KIF26B: variants seen among roughly 807,000 people sequenced by gnomAD.
The protein encoded by KIF26B is kinesin family member 26B, also known as kinesin-like protein KIF26B.
KIF26B carries 63 observed loss-of-function variants against 151.2 expected under a neutral mutation model. The observed-to-expected ratio is 0.42, with a 90% CI of 0.34 to 0.51. KIF26B has a LOEUF of 0.51. Ranked by LOEUF, KIF26B falls within the 20% of genes least tolerant of loss-of-function variation. The pLI, the probability that KIF26B is intolerant of heterozygous loss-of-function variation, is 0.07. For synonymous variants in KIF26B, 1,357 were observed against 1,262.1 expected, an observed-to-expected ratio of 1.08 and a Z score of -1.59; for missense variants, 2,813 against 2,913.6, an observed-to-expected ratio of 0.97 and a Z score of 0.79.
At chr1:245,642,142 G>A (rs1183821222) in intron 9 of KIF26B, among the ~76,000 whole-genome samples, 1 of 152,168 alleles carries the variant, frequency 6.6e-6, no homozygotes, top group African/African-American at 2.4e-5. Flanking sequence ...GGCCACCAGG[G>A]ACCTGAGTCC....
chr1:245,664,963 A>C (rs2044197858), intron 10 of KIF26B, among the ~76,000 whole-genome samples: 1 of 152,210 alleles, frequency 6.6e-6, no homozygotes, highest in South Asian at 2.1e-4. Context: ...TCTTGATAGA[A>C]TATCACAGTT....
intron 4 of KIF26B, among the ~76,000 whole-genome samples, chr1:245,439,515 G>A (rs1424065701): frequency 6.6e-6 from 1 of 152,112 alleles, no homozygotes; most frequent in Non-Finnish European, 1.5e-5. Context: ...CCTATGAAAT[G>A]TATTGGATTG....
chr1:245,194,221 G>A (rs572242823), intron 2 of KIF26B, among the ~76,000 whole-genome samples: 5 of 152,240 alleles, frequency 3.3e-5, no homozygotes, highest in African/African-American at 7.2e-5. Flanking sequence ...TGGTGGCACA[G>A]TTTTAAAATT....
In KIF26B at chr1:245,255,310, C is replaced by T. The variant is rs114377942; in HGVS notation, c.465+98627C>T. On this transcript the variant is annotated intron_variant, in intron 2 of 14. Transcript: ENST00000407071. ...GCAGCGCAACATGGGCCAACACACC[C>T]TCTATCCATCTCTCCACCGGCCAAA... 8.0e-3 allele frequency among the ~76,000 whole-genome samples: 1,221 copies of T among 152,274 alleles called. 11 individuals are homozygous for T. The highest frequency in any genetic ancestry group is 0.026 in the African/African-American group (1,099 of 41,540).
At chr1:245,543,828 A>G (rs1169349950) in intron 5 of KIF26B, among the ~76,000 whole-genome samples, 2 of 152,138 alleles carry the variant, frequency 1.3e-5, no homozygotes, top group African/African-American at 2.4e-5. Context: ...CGTACCTGTA[A>G]TCCCAGCTAC....
chr1:245,652,142 G>GTC (rs2044024769), intron 10 of KIF26B, among the ~76,000 whole-genome samples: 1 of 131,006 alleles, frequency 7.6e-6, no homozygotes, highest in Non-Finnish European at 1.6e-5. Context: ...GTGTGTGTGT[G>GTC]TGTGAGAGAG....
chr1:245,612,173 G>A (rs1178546907), intron 9 of KIF26B, among the ~76,000 whole-genome samples, 197 bp downstream of exon 9: 2 of 149,858 alleles, frequency 1.3e-5, no homozygotes, highest in African/African-American at 2.4e-5. Flanking sequence ...GCAGTGGCAC[G>A]ATCACAGCTC....
intron 5 of KIF26B, among the ~76,000 whole-genome samples, chr1:245,579,658 AAAACAAAC>A (rs60952626): frequency 0.1 from 15,525 of 148,518 alleles, 1,017 homozygotes; most frequent in East Asian, 0.24. Context: ...AAAAATACAA[AAAACAAAC>A]AAACAAACAA....
intron 3 of KIF26B, among the ~76,000 whole-genome samples, chr1:245,376,769 CCTCCGCCTCCTAGGTTGAAGTGATT>C (rs1673286072): frequency 6.6e-6 from 1 of 152,168 alleles, no homozygotes; most frequent in South Asian, 2.1e-4. Flanking sequence ...CTCACTCCAA[CCTCCGCCTCCTAGGTTGAAGTGATT>C]CTCCTGCCTC....
rs1660489007 is a variant in KIF26B, at chr1:245,495,224, GA to G, written c.1167-45542del. On this transcript the variant is annotated intron_variant, in intron 4 of 14. Transcript: ENST00000407071. This position sits in a 1 kb window ranked among gnomAD's most constrained non-coding sequence, Gnocchi z 4.2. ...AGAGAGATACATGGAGAACAAAAAG[GA>G]TCAAAATACAGAAAAGAGCAGAAGA... Among the ~76,000 whole-genome samples the G allele has an allele frequency of 1.3e-5, 2 of 152,134 alleles. No homozygotes were observed. Among genetic ancestry groups the G allele is most frequent in the South Asian group, 4.2e-4 (2 of 4,806 alleles).
intron 2 of KIF26B, among the ~76,000 whole-genome samples, chr1:245,195,372 G>A (rs562434306): frequency 8.5e-5 from 13 of 152,240 alleles, no homozygotes; most frequent in East Asian, 1.9e-4. Context: ...CAGTTCCACC[G>A]TCATTTAAAT....
chr1:245,301,450 T>G (rs553180133), intron 2 of KIF26B, among the ~76,000 whole-genome samples: 103 of 152,314 alleles, frequency 6.8e-4, no homozygotes, highest in African/African-American at 2.4e-3. Flanking sequence ...TCTCTTCAGC[T>G]GCGTGTTTAT....
At chr1:245,156,764 C>T (rs949907329) in intron 2 of KIF26B, 81 bp downstream of exon 2, 4 of 867,464 alleles carry the variant, frequency 4.6e-6, no homozygotes, top group Middle Eastern at 3.9e-4. Flanking sequence ...CTCAGCCCGC[C>T]GCGACCTTGC....
At chr1:245,376,996 C>T (rs971671969) in intron 3 of KIF26B, among the ~76,000 whole-genome samples, 2 of 150,770 alleles carry the variant, frequency 1.3e-5, no homozygotes, top group Non-Finnish European at 2.9e-5. Context: ...CTCACTGCAA[C>T]CTCTGCCTCC....
intron 2 of KIF26B, among the ~76,000 whole-genome samples, chr1:245,247,640 C>T (rs963376358): frequency 3.3e-5 from 5 of 152,016 alleles, no homozygotes; most frequent in South Asian, 2.1e-4. Flanking sequence ...GAAGTGGGCC[C>T]GAGGGATGCA....
At chr1:245,233,124 C>G (rs1417958857) in intron 2 of KIF26B, among the ~76,000 whole-genome samples, 1 of 152,182 alleles carries the variant, frequency 6.6e-6, no homozygotes, top group African/African-American at 2.4e-5. Flanking sequence ...GTTCATTAGT[C>G]ACTGAGTAAA....
chr1:245,459,260 A>G lies in KIF26B; in HGVS notation c.1166+39515A>G, dbSNP rs1278125345. 3.3e-5 allele frequency among the ~76,000 whole-genome samples: 5 copies of G among 152,122 alleles called. No homozygotes were observed. In the East Asian group the frequency reaches 5.8e-4, roughly 18 times the overall value. On this transcript the variant is annotated intron_variant, in intron 4 of 14. Coordinates refer to ENST00000407071, the MANE Select transcript of KIF26B (RefSeq NM_018012.4). The stretch of plus-strand genomic sequence containing the variant: ...TGTTTGCAAACAGCCCATTATTTCT[A>G]TCCTGTGTGCTGGAAAAACACAAAA...
chr1:245,468,082 A>T (rs1659834553), intron 4 of KIF26B, among the ~76,000 whole-genome samples: 1 of 151,522 alleles, frequency 6.6e-6, no homozygotes, highest in Admixed American at 6.6e-5. Flanking sequence ...GGGGGTGGGG[A>T]TGGGGAACAC....
chr1:245,400,095 A>G (rs1316760847), intron 3 of KIF26B, among the ~76,000 whole-genome samples: 1 of 152,188 alleles, frequency 6.6e-6, no homozygotes, highest in African/African-American at 2.4e-5. Flanking sequence ...AATCTGGTAC[A>G]TGGCTTCTTT....
Sources: gnomAD v4.1 joint callset for allele counts (sites outside exome capture counted in the v4.1 genomes callset) on GRCh38, gnomAD v4.1.1 for gene constraint, Gnocchi (gnomAD v3.1) non-coding constraint, MANE v1.5 for transcripts, NCBI Gene and HGNC (gene_info 2026-07-23, HGNC 2026-07-21) for gene names.